Variants in RNF2 observed in about 807,000 individuals in gnomAD.
RNF2 encodes the protein E3 ubiquitin-protein ligase RING2.
A neutral mutation model predicts 37.2 loss-of-function variants in RNF2; 6 were observed. The ratio of observed to expected loss-of-function variants is 0.16; its 90% CI spans 0.09 to 0.32. The LOEUF (loss-of-function observed/expected upper bound fraction) is 0.32, where lower values mean the gene tolerates loss of function less well. Among genes scored for constraint, RNF2 ranks in the 10% least tolerant of loss-of-function variants. The pLI is 1.00. For synonymous variants in RNF2, 133 were observed against 132.7 expected (o/e 1.00, Z -0.02); for missense variants, 251 against 404.0 (o/e 0.62, Z 3.25).
chr1:185,068,279 T>C (rs979283830), intron 1 of RNF2, among the ~76,000 whole-genome samples: 11 of 152,314 alleles, frequency 7.2e-5, no homozygotes, highest in African/African-American at 2.6e-4. Flanking sequence ...CTTTGGTCAG[T>C]GTGGTAGGCT....
At chr1:185,064,457 A>G (rs79998715) in intron 1 of RNF2, among the ~76,000 whole-genome samples, 1,936 of 152,298 alleles carry the variant, frequency 0.013, 40 homozygotes, top group African/African-American at 0.044. Context: ...CGATTTTTCA[A>G]CTTTACAGTG....
At chr1:185,060,356 C>CA (rs958432292) in intron 1 of RNF2, among the ~76,000 whole-genome samples, 27 of 152,306 alleles carry the variant, frequency 1.8e-4, no homozygotes, top group African/African-American at 6.5e-4. Flanking sequence ...TGGCAGTCAA[C>CA]AGTCAGTAGT....
chr1:185,065,945 T>C (rs978783640), intron 1 of RNF2, among the ~76,000 whole-genome samples: 2 of 151,426 alleles, frequency 1.3e-5, no homozygotes, highest in African/African-American at 4.8e-5. Flanking sequence ...TACTTTCTGC[T>C]ATACTGTCTC....
chr1:185,089,138 T>C (rs992150264), intron 2 of RNF2, among the ~76,000 whole-genome samples: 1 of 152,190 alleles, frequency 6.6e-6, no homozygotes, highest in African/African-American at 2.4e-5. Flanking sequence ...GAGCATGCAG[T>C]CTAGATCCGT....
intron 1 of RNF2, among the ~76,000 whole-genome samples, chr1:185,051,404 TGTTAAAA>T (rs573116910): frequency 1.5e-4 from 23 of 152,300 alleles, no homozygotes; most frequent in Middle Eastern, 3.4e-3. Context: ...TCTTTTCTTT[TGTTAAAA>T]AAAATAAAAA....
intron 2 of RNF2, among the ~76,000 whole-genome samples, chr1:185,089,176 G>A (rs937499666): frequency 2.6e-5 from 4 of 152,146 alleles, no homozygotes; most frequent in African/African-American, 9.7e-5. Flanking sequence ...ATAGGGTTCG[G>A]ACTCTTACGA....
chr1:185,063,680 G>T (rs984396766), intron 1 of RNF2, among the ~76,000 whole-genome samples: 1 of 152,186 alleles, frequency 6.6e-6, no homozygotes, highest in African/African-American at 2.4e-5. Flanking sequence ...AGTCTTACGG[G>T]ATTGAAATTA....
At chr1:185,086,133 A>G (rs546140998) in intron 1 of RNF2, among the ~76,000 whole-genome samples, 1 of 152,160 alleles carries the variant, frequency 6.6e-6, no homozygotes, top group African/African-American at 2.4e-5. Flanking sequence ...TTTCATCTCT[A>G]CCAAAGCCTC....
At chr1:185,087,508 C>T in intron 1 of RNF2, 44 bp from the exon 2 acceptor site, 1 of 1,524,496 alleles carries the variant, frequency 6.6e-7, no homozygotes, top group African/African-American at 1.4e-5. Context: ...ATAGCACTTC[C>T]CTTCCAAATA....
At chr1:185,087,482 C>T (rs369667956) in intron 1 of RNF2, 70 bp from the exon 2 acceptor site, 4 of 1,265,464 alleles carry the variant, frequency 3.2e-6, no homozygotes, top group Non-Finnish European at 1.2e-6. Flanking sequence ...TTTGGTGGGA[C>T]ACATACATTC....
At chr1:185,063,699 G>A (rs1168065466) in intron 1 of RNF2, among the ~76,000 whole-genome samples, 5 of 152,176 alleles carry the variant, frequency 3.3e-5, no homozygotes, top group Non-Finnish European at 2.9e-5. Flanking sequence ...TAAGGTGTTG[G>A]AAGGTCTGTG....
intron 5 of RNF2, among the ~76,000 whole-genome samples, chr1:185,099,376 A>C (rs772683778): frequency 1.3e-5 from 2 of 152,220 alleles, no homozygotes; most frequent in Non-Finnish European, 2.9e-5. Flanking sequence ...GTTAGTCTTA[A>C]AAGACATTTT....
chr1:185,087,491 T>G, intron 1 of RNF2, 61 bp from the exon 2 acceptor site: 1 of 1,397,190 alleles, frequency 7.2e-7, no homozygotes, highest in African/African-American at 1.4e-5. Context: ...ACACATACAT[T>G]CAGACCATAG....
At chr1:185,070,584 A>T (rs186760346) in intron 1 of RNF2, among the ~76,000 whole-genome samples, 32 of 151,516 alleles carry the variant, frequency 2.1e-4, no homozygotes, top group Non-Finnish European at 1.8e-4. Flanking sequence ...TTTTTTTCAC[A>T]TGAACCTTAT....
chr1:185,096,691 G>A (rs558381998), intron 4 of RNF2, among the ~76,000 whole-genome samples: 2 of 152,136 alleles, frequency 1.3e-5, no homozygotes, highest in East Asian at 3.9e-4. Flanking sequence ...GTCTATTCAT[G>A]TTGTATGTGG....
intron 2 of RNF2, 84 bp downstream of exon 2, chr1:185,087,724 A>C (rs1420517605): frequency 1.1e-6 from 1 of 942,788 alleles, no homozygotes; most frequent in Non-Finnish European, 1.7e-6. Context: ...TAAATAGAAC[A>C]TAGAGTAATA....
intron 1 of RNF2, among the ~76,000 whole-genome samples, chr1:185,067,709 T>C (rs1650838229): frequency 2.9e-5 from 2 of 68,698 alleles, no homozygotes; most frequent in South Asian, 4.3e-4. Context: ...AAAAGTATCC[T>C]TTTTTTTTTT....
intron 4 of RNF2, among the ~76,000 whole-genome samples, chr1:185,096,024 T>G (rs1399041123): frequency 6.6e-6 from 1 of 152,212 alleles, no homozygotes; most frequent in African/African-American, 2.4e-5. Context: ...AAACGCTGCC[T>G]GCAGTTACAT....
At chr1:185,063,677 C>T (rs1028155533) in intron 1 of RNF2, among the ~76,000 whole-genome samples, 3 of 152,104 alleles carry the variant, frequency 2.0e-5, no homozygotes, top group Non-Finnish European at 2.9e-5. Context: ...ATGAGTCTTA[C>T]GGGATTGAAA....
Sources: allele counts gnomAD v4.1 joint callset (sites outside exome capture counted in the v4.1 genomes callset), GRCh38; gene constraint gnomAD v4.1.1; transcripts MANE v1.5; gene names NCBI Gene and HGNC (gene_info 2026-07-23, HGNC 2026-07-21).